Variants in CENPP observed in about 807,000 individuals in gnomAD.
CENPP encodes centromere protein P.
In CENPP, 24 loss-of-function variants were observed where a neutral mutation model predicts 35.6. The observed-to-expected ratio is 0.67, with a 90% CI of 0.49 to 0.95. The LOEUF (loss-of-function observed/expected upper bound fraction) is 0.95. CENPP is among the 40% of genes least tolerant of loss of function. The pLI is 0.00. For synonymous variants in CENPP, 120 were observed against 125.5 expected, an observed-to-expected ratio of 0.96 and a Z score of 0.29; for missense variants, 332 against 345.3, an observed-to-expected ratio of 0.96 and a Z score of 0.31.
intron 5 of CENPP, among the ~76,000 whole-genome samples, chr9:92,594,892 C>CTTTTTTTTTTTTTT (rs1213825480): frequency 9.5e-6 from 1 of 105,120 alleles, no homozygotes; most frequent in Non-Finnish European, 1.9e-5. Flanking sequence ...GGTTGCTCTT[C>CTTTTTTTTTTTTTT]TTTTTTTTTT....
chr9:92,474,951 T>C, intron 5 of CENPP: 2 of 1,515,098 alleles, frequency 1.3e-6, no homozygotes, highest in Non-Finnish European at 1.8e-6. Context: ...GGATATTAAA[T>C]TTAAATGGAT....
intron 5 of CENPP, among the ~76,000 whole-genome samples, chr9:92,472,397 C>T (rs993069969): frequency 2.0e-5 from 3 of 150,886 alleles, no homozygotes; most frequent in East Asian, 2.0e-4. Flanking sequence ...CGGTGGCTCA[C>T]GCCTATAATC....
chr9:92,606,116 G>A (rs757868333), intron 5 of CENPP, among the ~76,000 whole-genome samples: 6 of 152,084 alleles, frequency 3.9e-5, no homozygotes, highest in Non-Finnish European at 4.4e-5. Flanking sequence ...ACAAAAATTA[G>A]CCAGGTGTGG....
chr9:92,338,172 C>T (rs781293141), intron 3 of CENPP, among the ~76,000 whole-genome samples: 4 of 151,980 alleles, frequency 2.6e-5, no homozygotes, highest in East Asian at 3.9e-4. Context: ...ATTAGCCAGG[C>T]GTGGTGGTGC....
Position 92,619,345 on chromosome 9 carries a change from T to C in CENPP, c.*6196T>C. ...GGGCGAGAGTTAGTAAGCCCCATGA[T>C]GTCACATAGGCCAAGGAAGTTATGT... On this transcript the variant is annotated 3_prime_UTR_variant, in exon 8 of 8. Transcript: ENST00000375587. 2 of 654,800 alleles carry C rather than the reference T, an allele frequency of 3.1e-6. No homozygotes were observed. The highest frequency in any genetic ancestry group is 3.5e-5 in the South Asian group (2 of 56,402). 40.6% of individuals were successfully genotyped at this position (654,800 alleles called of 1,614,324 possible).
Position 92,381,929 on chromosome 9 carries a change from A to C in CENPP, c.564+2070A>C, listed in dbSNP as rs1185224332. Among the ~76,000 whole-genome samples the C allele has an allele frequency of 4.7e-5, 7 of 147,914 alleles. No individual in the cohort carries two copies. In the East Asian group the frequency reaches 1.4e-3, roughly 29 times the overall value. On this transcript the variant is annotated intron_variant, in intron 5 of 7. Transcript: ENST00000375587. ...TTTTTTTTTTGGCTATAGCCAACCT[A>C]ATGGGTAGGAAGTGATATCTCACTG...
intron 5 of CENPP, among the ~76,000 whole-genome samples, chr9:92,416,094 ATTTAT>A (rs1228646248): frequency 2.9e-5 from 4 of 137,304 alleles, no homozygotes; most frequent in African/African-American, 8.0e-5. Context: ...TTATTTATTT[ATTTAT>A]TTTATTTTTT....
intron 5 of CENPP, among the ~76,000 whole-genome samples, chr9:92,405,593 G>T (rs924160265): frequency 6.6e-6 from 1 of 152,096 alleles, no homozygotes; most frequent in East Asian, 1.9e-4. Flanking sequence ...CAAGGATACA[G>T]TAAAACTTTT....
intron 2 of CENPP, among the ~76,000 whole-genome samples, chr9:92,336,406 G>A (rs1270866735): frequency 6.6e-6 from 1 of 152,040 alleles, no homozygotes; most frequent in Non-Finnish European, 1.5e-5. Context: ...TACCCGTCTC[G>A]TATTCTGCTA....
At chr9:92,518,504 C>T (rs1157394424) in intron 5 of CENPP, among the ~76,000 whole-genome samples, 1 of 152,212 alleles carries the variant, frequency 6.6e-6, no homozygotes, top group East Asian at 1.9e-4. Context: ...AGACAGCATG[C>T]TTCCGTGGTG....
At chr9:92,415,578 G>T in intron 5 of CENPP, 1 of 493,096 alleles carries the variant, frequency 2.0e-6, no homozygotes, top group Non-Finnish European at 3.2e-6. Context: ...ATATAATTCT[G>T]TTAATTAAAA....
intron 5 of CENPP, among the ~76,000 whole-genome samples, chr9:92,577,402 C>G (rs985675767): frequency 6.6e-6 from 1 of 152,100 alleles, no homozygotes; most frequent in South Asian, 2.1e-4. Context: ...GTAGTCCTCA[C>G]TACTCGGGAG....
intron 5 of CENPP, among the ~76,000 whole-genome samples, chr9:92,416,065 T>TAG (rs917642154): frequency 1.0e-5 from 1 of 97,974 alleles, no homozygotes; most frequent in African/African-American, 2.9e-5. Context: ...TGTGTATATA[T>TAG]ATATATTTAT....
chr9:92,418,530 C>T (rs1200906767), intron 5 of CENPP, among the ~76,000 whole-genome samples: 1 of 152,048 alleles, frequency 6.6e-6, no homozygotes, highest in African/African-American at 2.4e-5. Context: ...AATAGCATGA[C>T]ATCAGTCAAC....
chr9:92,541,838 G>C (rs1434620218), intron 5 of CENPP, among the ~76,000 whole-genome samples: 1 of 151,892 alleles, frequency 6.6e-6, no homozygotes, highest in African/African-American at 2.4e-5. Context: ...CTGTCACCCA[G>C]GCTAGAGTGC....
At chr9:92,500,922 A>AT (rs764663897) in intron 5 of CENPP, 5 of 1,614,216 alleles carry the variant, frequency 3.1e-6, no homozygotes, top group Non-Finnish European at 4.2e-6. Flanking sequence ...GCCTGGTTCC[A>AT]TGTGGCCAAA....
chr9:92,365,901 C>G (rs1841875544), intron 4 of CENPP, among the ~76,000 whole-genome samples: 1 of 150,870 alleles, frequency 6.6e-6, no homozygotes, highest in African/African-American at 2.4e-5. Flanking sequence ...CCAGGGTTCG[C>G]TGGGCATGGT....
At chr9:92,470,899 AAC>A in intron 5 of CENPP, 1 of 636,274 alleles carries the variant, frequency 1.6e-6, no homozygotes, top group East Asian at 3.0e-5. Context: ...CAGATGACTT[AAC>A]AGTCATAACA....
At chr9:92,605,841 T>C (rs1851063069) in intron 5 of CENPP, among the ~76,000 whole-genome samples, 1 of 152,142 alleles carries the variant, frequency 6.6e-6, no homozygotes, top group Non-Finnish European at 1.5e-5. Flanking sequence ...TTCAAGTACA[T>C]TAAAGAAGTA....
Sources: gnomAD v4.1 joint callset for allele counts (sites outside exome capture counted in the v4.1 genomes callset) on GRCh38, gnomAD v4.1.1 for gene constraint, MANE v1.5 for transcripts, NCBI Gene and HGNC (gene_info 2026-07-23, HGNC 2026-07-21) for gene names.